PSMA8: variants seen among roughly 807,000 people sequenced by gnomAD.
The protein encoded by PSMA8 is proteasome subunit alpha-type 8.
PSMA8 carries 18 observed loss-of-function variants against 32.4 expected under a neutral mutation model. That is an observed-to-expected ratio of 0.56 (90% CI 0.38 to 0.82). PSMA8 has a LOEUF of 0.82. Ranked by LOEUF, PSMA8 falls within the 40% of genes least tolerant of loss-of-function variation. The pLI is 0.00. For synonymous variants in PSMA8, 104 were observed against 98.1 expected, an observed-to-expected ratio of 1.06 and a Z score of -0.36; for missense variants, 298 against 300.7, an observed-to-expected ratio of 0.99 and a Z score of 0.07.
intron 4 of PSMA8, among the ~76,000 whole-genome samples, chr18:26,165,578 C>T (rs953984403): frequency 2.6e-5 from 4 of 152,030 alleles, no homozygotes; most frequent in South Asian, 2.1e-4. Context: ...TTTTCCCCCC[C>T]CAAGATTGGC....
chr18:26,188,150 G>A (rs1407041222), intron 6 of PSMA8, among the ~76,000 whole-genome samples: 1 of 151,702 alleles, frequency 6.6e-6, no homozygotes, highest in African/African-American at 2.4e-5. Context: ...GAAACTATAC[G>A]AATACATGGA....
At chr18:26,142,386 A>G (rs1314517392) in intron 1 of PSMA8, among the ~76,000 whole-genome samples, 1 of 152,312 alleles carries the variant, frequency 6.6e-6, no homozygotes, top group South Asian at 2.1e-4. Flanking sequence ...AAGCAATTAT[A>G]AACACCAATA....
At chr18:26,160,664 G>C (rs2055128328) in intron 4 of PSMA8, among the ~76,000 whole-genome samples, 1 of 152,196 alleles carries the variant, frequency 6.6e-6, no homozygotes, top group Non-Finnish European at 1.5e-5. Context: ...CTATGGTACT[G>C]AGCATATTTT....
intron 1 of PSMA8, among the ~76,000 whole-genome samples, chr18:26,134,351 GTGTGTGTGTGTGTCTC>G (rs1428201789): frequency 7.4e-6 from 1 of 134,908 alleles, no homozygotes; most frequent in East Asian, 2.0e-4. Context: ...GTGTGTGTGT[GTGTGTGTGTGTGTCTC>G]TGTGTGTGTG....
Position 26,163,213 on chromosome 18 carries a change from G to GTATGTATATA in PSMA8, c.477+4972_477+4973insGTATATATAT, listed in dbSNP as rs1555662071. ...AGGTGGTGTGTGTTTATGTGTGTGT[G>GTATGTATATA]TATATATATATATATATATATATAT... is the stretch of plus-strand genomic sequence containing the variant. On this transcript the variant is annotated intron_variant, in intron 4 of 6. Transcript: ENST00000415576. Among the ~76,000 whole-genome samples, 42 of 80,890 alleles carry GTATGTATATA rather than the reference G, an allele frequency of 5.2e-4. 2 individuals carry two copies. Among genetic ancestry groups the GTATGTATATA allele is most frequent in the African/African-American group, 2.1e-3 (41 of 19,374 alleles). 53.1% of individuals were successfully genotyped at this position (80,890 alleles called of 152,430 possible). A position where few individuals can be genotyped will look rare whatever the true frequency, so the allele number is the denominator to read the frequency against.
chr18:26,173,819 GT>G (rs1332922063), intron 4 of PSMA8, among the ~76,000 whole-genome samples: 1 of 152,090 alleles, frequency 6.6e-6, no homozygotes, highest in Admixed American at 6.6e-5. Flanking sequence ...GCCTCCCAAA[GT>G]GCTGGGATTA....
chr18:26,179,287 G>GT (rs2055290201), intron 6 of PSMA8, among the ~76,000 whole-genome samples, 157 bp downstream of exon 6: 1 of 135,850 alleles, frequency 7.4e-6, no homozygotes, highest in South Asian at 2.2e-4. Context: ...TTTTTTGTTT[G>GT]TTTTTTGTGT....
chr18:26,153,367 G>T (rs899639143), intron 3 of PSMA8, among the ~76,000 whole-genome samples: 3 of 152,028 alleles, frequency 2.0e-5, no homozygotes, highest in African/African-American at 7.2e-5. Context: ...GGGATTATGA[G>T]ATTAAAAATT....
chr18:26,161,126 T>C (rs2144312148), intron 4 of PSMA8, among the ~76,000 whole-genome samples: 1 of 152,310 alleles, frequency 6.6e-6, no homozygotes, highest in South Asian at 2.1e-4. Context: ...TCTCAGCTTG[T>C]AGTTCCGTGA....
chr18:26,186,444 A>G (rs1388743198), intron 6 of PSMA8, among the ~76,000 whole-genome samples: 4 of 152,090 alleles, frequency 2.6e-5, no homozygotes, highest in African/African-American at 9.7e-5. Flanking sequence ...CACATAAGAT[A>G]TAAGAAATTT....
intron 1 of PSMA8, among the ~76,000 whole-genome samples, chr18:26,141,209 T>C (rs1027771820): frequency 6.6e-6 from 1 of 152,166 alleles, no homozygotes; most frequent in Admixed American, 6.5e-5. Context: ...TTATCCCTTT[T>C]TGTACCTACT....
chr18:26,167,591 G>C (rs939967659), intron 4 of PSMA8, among the ~76,000 whole-genome samples: 1 of 152,148 alleles, frequency 6.6e-6, no homozygotes, highest in African/African-American at 2.4e-5. Flanking sequence ...GTAAGGATAG[G>C]ACCCTAATTC....
intron 1 of PSMA8, among the ~76,000 whole-genome samples, chr18:26,137,378 G>A (rs1326719549): frequency 6.6e-6 from 1 of 152,156 alleles, no homozygotes; most frequent in Non-Finnish European, 1.5e-5. Context: ...AGAATTGCTT[G>A]AACCGAGGAA....
Position 26,192,505 on chromosome 18 carries a change from C to A in PSMA8, c.*94C>A. 1 of 1,375,596 alleles carries A rather than the reference C, an allele frequency of 7.3e-7. No individual in the cohort carries two copies. Among genetic ancestry groups the A allele is most frequent in the South Asian group, 1.6e-5 (1 of 61,878 alleles). 85.2% of individuals were successfully genotyped at this position (1,375,596 alleles called of 1,614,324 possible). ...ATTTTAGAGGAAAACAGTTATTTTG[C>A]AGCATTACATGCAGTACTTGTGTGA... On this transcript the variant is annotated 3_prime_UTR_variant, in exon 7 of 7. Coordinates refer to ENST00000415576, the MANE Select transcript of PSMA8 (RefSeq NM_001025096.2).
intron 1 of PSMA8, among the ~76,000 whole-genome samples, chr18:26,134,363 GTC>G (rs981617570): frequency 8.9e-4 from 110 of 123,210 alleles, no homozygotes; most frequent in Non-Finnish European, 1.4e-3. Context: ...GTGTGTGTGT[GTC>G]TCTGTGTGTG....
intron 4 of PSMA8, among the ~76,000 whole-genome samples, chr18:26,163,691 T>C (rs2055156915): frequency 2.0e-5 from 3 of 152,200 alleles, no homozygotes; most frequent in Admixed American, 2.0e-4. Flanking sequence ...CTTGTAGGGC[T>C]AGAAAGCCTT....
intron 6 of PSMA8, among the ~76,000 whole-genome samples, chr18:26,190,495 T>A (rs2055393304): frequency 6.6e-6 from 1 of 152,204 alleles, no homozygotes; most frequent in Non-Finnish European, 1.5e-5. Context: ...ATGCCTGTAA[T>A]CCCAGCATTT....
At chr18:26,190,033 G>A (rs914761110) in intron 6 of PSMA8, among the ~76,000 whole-genome samples, 5 of 152,048 alleles carry the variant, frequency 3.3e-5, no homozygotes, top group African/African-American at 1.2e-4. Context: ...TGTTAAATAA[G>A]GCAGGCATGG....
intron 4 of PSMA8, among the ~76,000 whole-genome samples, chr18:26,177,697 A>T (rs1044461833): frequency 1.6e-4 from 24 of 152,356 alleles, no homozygotes; most frequent in African/African-American, 5.8e-4. Flanking sequence ...GGAAAGGAAT[A>T]GAAGCCCTTC....
Sources: gnomAD v4.1 joint callset for allele counts (sites outside exome capture counted in the v4.1 genomes callset) on GRCh38, gnomAD v4.1.1 for gene constraint, MANE v1.5 for transcripts, NCBI Gene and HGNC (gene_info 2026-07-23, HGNC 2026-07-21) for gene names.